The following SLC2A2 variants were observed in gnomAD, a reference collection of about 807,000 sequenced individuals.
SLC2A2 encodes the protein solute carrier family 2 member 2, also known as solute carrier family 2, facilitated glucose transporter member 2.
A neutral mutation model predicts 54.5 loss-of-function variants in SLC2A2; 36 were observed. The ratio of observed to expected loss-of-function variants is 0.66; its 90% confidence interval spans 0.51 to 0.87. The LOEUF is 0.87. Among genes scored for constraint, SLC2A2 ranks in the 40% least tolerant of loss-of-function variants. The pLI is 0.00. For missense variants in SLC2A2, 543 were observed against 624.3 expected, an observed-to-expected ratio of 0.87 and a Z score of 1.39; for synonymous variants, 223 against 219.1, an observed-to-expected ratio of 1.02 and a Z score of -0.16.
At position 171,005,376 on chromosome 3, in the gene SLC2A2, A is replaced by G; in HGVS notation, c.872T>C (p.Ile291Thr). The G allele has an allele frequency of 6.2e-7, 1 of 1,612,718 alleles. No homozygotes were observed. Among genetic ancestry groups the G allele is most frequent in the Non-Finnish European group, 8.5e-7 (1 of 1,179,026 alleles). The change falls in exon 7 of 11, where the codon ATA becomes ACA. Residue 291 changes from isoleucine (I) to threonine (T), a missense_variant. Physicochemically the swap from Ile to Thr is moderately conservative, Grantham distance 89 (BLOSUM62 -1). Around this residue, in one of 3 missense-constraint regions of SLC2A2, gnomAD observed 318 missense variants for 343.8 expected, o/e 0.93. Coordinates refer to ENST00000314251, the MANE Select transcript of SLC2A2 (RefSeq NM_000340.2). ...EEASSEQKVS[I>T]IQLFTNSSYR... The stretch of plus-strand genomic sequence containing the variant: ...GCTGGAATTGGTGAAGAGCTGAATT[A>G]TAGAGACTTTCTGCTCACTCGATGC...
intron 7 of SLC2A2, among the ~76,000 whole-genome samples, chr3:171,004,501 C>T (rs145367743): frequency 1.5e-3 from 224 of 152,036 alleles, no homozygotes; most frequent in Middle Eastern, 0.014. Flanking sequence ...TCTCAATCAC[C>T]CACAAAGTGT....
At chr3:171,019,861 T>C (rs1226928902) in intron 1 of SLC2A2, among the ~76,000 whole-genome samples, 2 of 152,224 alleles carry the variant, frequency 1.3e-5, no homozygotes, top group South Asian at 4.1e-4. Context: ...GAATGTTTTC[T>C]TGAAGAACAA....
chr3:170,998,505 T>C, intron 9 of SLC2A2, 109 bp from the exon 10 acceptor site: 1 of 819,458 alleles, frequency 1.2e-6, no homozygotes, highest in Non-Finnish European at 2.1e-6. Flanking sequence ...TTCTAATGTA[T>C]TTTGTTCAAG....
In SLC2A2 at chr3:171,009,994, T is replaced by G. The variant is rs1188886679; in HGVS notation, c.460A>C (p.Ile154Leu). The change falls in exon 4 of 11, where the codon ATA becomes CTA. Residue 154 changes from isoleucine to leucine, a missense_variant. This residue lies in a region of SLC2A2 where 318 missense variants were observed against 343.8 expected (regional missense o/e 0.93). Coordinates refer to ENST00000314251, the MANE Select transcript of SLC2A2 (RefSeq NM_000340.2). ...CCTGATATGCTTCTTCCAGCAATTA[T>G]AAGTATATGAGATGGTCCCAATTTT... ...FSKLGPSHIL[I>L]IAGRSISGLY... is the part of the protein sequence containing the mutation. 1.2e-6 allele frequency: 2 copies of G among 1,610,978 alleles called. No individual in the cohort carries two copies. The highest frequency in any genetic ancestry group is 1.7e-6 in the Non-Finnish European group (2 of 1,178,346).
rs765196886 is a variant in SLC2A2 at position 170,998,222 on chromosome 3, T to G, written c.1345A>C (p.Ile449Leu). 1 of 1,613,810 alleles carries G rather than the reference T, an allele frequency of 6.2e-7. No individual in the cohort carries two copies. The highest frequency in any genetic ancestry group is 1.1e-5 in the South Asian group (1 of 91,088). Residue 449 changes from isoleucine (I) to leucine (L), a missense_variant, in exon 10 of 11, where the codon ATT becomes CTT. This residue lies in a region of SLC2A2 where 108 missense variants were observed against 101.3 expected (regional missense o/e 1.07). Coordinates refer to ENST00000314251, the MANE Select transcript of SLC2A2 (RefSeq NM_000340.2). Reference sequence around the variant, plus strand: ...ATGTACTGGAAACACAGAGCTACAATGAAATTGCAGGTCCAATTGCTGAAT... The same window carrying G: ...ATGTACTGGAAACACAGAGCTACAAGGAAATTGCAGGTCCAATTGCTGAAT... Reference protein sequence around the residue: ...AAFSNWTCNFIVALCFQYIAD... With the variant: ...AAFSNWTCNFLVALCFQYIAD...
intron 8 of SLC2A2, 36 bp downstream of exon 8, chr3:171,002,540 G>A (rs1345429150): frequency 2.2e-6 from 3 of 1,370,542 alleles, no homozygotes; most frequent in Admixed American, 3.4e-5. Context: ...CTGGACTAAG[G>A]AACAAGCAGA....
intron 2 of SLC2A2, among the ~76,000 whole-genome samples, chr3:171,017,632 T>C (rs1197065834): frequency 6.6e-6 from 1 of 152,210 alleles, no homozygotes; most frequent in Admixed American, 6.5e-5. Flanking sequence ...CCCCTCTTTA[T>C]TGAGTACCTT....
intron 8 of SLC2A2, among the ~76,000 whole-genome samples, chr3:171,001,054 G>A (rs1715311419): frequency 1.3e-5 from 2 of 151,906 alleles, no homozygotes; most frequent in Admixed American, 1.3e-4. Flanking sequence ...ATCAAAGGAT[G>A]GACTCTAAAA....
At chr3:171,019,104 TATATATATATATATATATAC>T (rs1210395430) in intron 1 of SLC2A2, among the ~76,000 whole-genome samples, 2 of 5,862 alleles carry the variant, frequency 3.4e-4, no homozygotes, top group African/African-American at 2.8e-3. Context: ...TGTGTATATA[TATATATATATATATATATAC>T]GTATGTATAT....
At position 170,998,416 on chromosome 3, in the gene SLC2A2, C is replaced by T. The variant is rs1427895856; in HGVS notation, c.1171-20G>A. On this transcript the variant is annotated intron_variant, in intron 9 of 10. Transcript: ENST00000314251. ...CTTATTCTGAGGAAAAAAACAAAAA[C>T]AATAGTGGGACTGAGATCATTTGGC... 1 of 1,601,294 alleles carries T rather than the reference C, an allele frequency of 6.2e-7. No homozygotes were observed. The highest frequency in any genetic ancestry group is 2.2e-5 in the East Asian group (1 of 44,780).
chr3:171,023,732 A>G (rs1050763374), intron 1 of SLC2A2, among the ~76,000 whole-genome samples: 1 of 152,194 alleles, frequency 6.6e-6, no homozygotes, highest in Non-Finnish European at 1.5e-5. Flanking sequence ...ATCATTTCAC[A>G]TATGGGGGAG....
chr3:171,014,642 T>G lies in SLC2A2; in HGVS notation c.198A>C (p.Glu66Asp). ...INNYVINSTDELPTISYSMNP... is the reference protein window; with the variant it reads ...INNYVINSTDDLPTISYSMNP... ...TCATTGAGTATGAGATTGTGGGCAG[T>G]TCATCTGTACTGTTGATAACATAGT... The change falls in exon 3 of 11, where the codon GAA becomes GAC. Residue 66 changes from glutamate to aspartate, a missense_variant. Transcript: ENST00000314251. 6.2e-7 allele frequency: 1 copy of G among 1,614,134 alleles called. No individual in the cohort carries two copies. The highest frequency in any genetic ancestry group is 8.5e-7 in the Non-Finnish European group (1 of 1,179,994).
chr3:171,001,965 A>G (rs1449541491), intron 8 of SLC2A2, among the ~76,000 whole-genome samples: 1 of 151,732 alleles, frequency 6.6e-6, no homozygotes, highest in Non-Finnish European at 1.5e-5. Flanking sequence ...TCTAGTTACT[A>G]TGTCACTTCC....
At chr3:171,017,365 C>T (rs1200255390) in intron 2 of SLC2A2, among the ~76,000 whole-genome samples, 5 of 152,172 alleles carry the variant, frequency 3.3e-5, no homozygotes, top group Non-Finnish European at 7.3e-5. Context: ...CTCAGCCTGC[C>T]ACACTCCTGA....
chr3:171,024,306 G>A (rs904250516), intron 1 of SLC2A2, among the ~76,000 whole-genome samples: 1 of 152,014 alleles, frequency 6.6e-6, no homozygotes, highest in Non-Finnish European at 1.5e-5. Flanking sequence ...ATACTTTACC[G>A]ATACTCTTTG....
intron 2 of SLC2A2, 40 bp from the exon 3 acceptor site, chr3:171,014,771 T>G (rs1409891284): frequency 1.3e-6 from 2 of 1,560,544 alleles, no homozygotes; most frequent in Admixed American, 3.3e-5. Context: ...TTTCAAACAT[T>G]CTATGTATTT....
chr3:171,017,394 G>A lies in SLC2A2; in HGVS notation c.108+1137C>T, dbSNP rs147643744. On this transcript the variant is annotated intron_variant, in intron 2 of 10. Coordinates refer to ENST00000314251, the MANE Select transcript of SLC2A2 (RefSeq NM_000340.2). Reference sequence around the variant, plus strand: ...CTCCTGATGATTGTAGCACCTAATCGGAGCACGTCTTTCAGCAGGAAGCAG... The same window carrying A: ...CTCCTGATGATTGTAGCACCTAATCAGAGCACGTCTTTCAGCAGGAAGCAG... Among the ~76,000 whole-genome samples, 7 of 152,188 alleles carry A rather than the reference G, an allele frequency of 4.6e-5. No individual in the cohort carries two copies. In the East Asian group the frequency reaches 1.2e-3, roughly 25 times the overall value.
In SLC2A2 at chr3:171,007,171, C is replaced by G. The variant is rs121909741; in HGVS notation, c.589G>C (p.Val197Leu). 1.9e-6 allele frequency: 3 copies of G among 1,611,490 alleles called. No homozygotes were observed. The highest frequency in any genetic ancestry group is 2.5e-6 in the Non-Finnish European group (3 of 1,178,098). The change falls in exon 5 of 11, where the codon GTC becomes CTC. Residue 197 changes from valine (V) to leucine (L), a missense_variant. Transcript: ENST00000314251. The part of the protein sequence containing the change: ...ALGTFHQLAI[V>L]TGILISQIIG... ...ACCTGACTAATAAGAATGCCCGTGA[C>G]GATGGCCAGCTGATGAAAAGTGCCA...
intron 7 of SLC2A2, 59 bp from the exon 8 acceptor site, chr3:171,002,739 A>G: frequency 1.1e-6 from 1 of 918,974 alleles, no homozygotes; most frequent in South Asian, 1.4e-5. Flanking sequence ...ATATCTTTAA[A>G]GCAAGAAATA....
Sources: allele counts gnomAD v4.1 joint callset (sites outside exome capture counted in the v4.1 genomes callset), GRCh38; gene constraint gnomAD v4.1.1; regional missense constraint gnomAD v4.1.1; transcripts MANE v1.5; gene names NCBI Gene and HGNC (gene_info 2026-07-23, HGNC 2026-07-21).